Variants in VTI1A observed in about 807,000 individuals in gnomAD.
VTI1A encodes vesicle transport through interaction with t-SNAREs 1A.
In VTI1A, 22 loss-of-function variants were observed where a neutral mutation model predicts 34.9. The observed-to-expected ratio is 0.63, with a 90% CI of 0.45 to 0.90. VTI1A has a LOEUF of 0.90. Ranked by LOEUF, VTI1A falls within the 40% of genes least tolerant of loss-of-function variation. The pLI, the probability that VTI1A is intolerant of heterozygous loss-of-function variation, is 0.00. For missense variants in VTI1A, 268 were observed against 275.6 expected, an observed-to-expected ratio of 0.97 and a Z score of 0.20; for synonymous variants, 87 against 97.3, an observed-to-expected ratio of 0.89 and a Z score of 0.62.
intron 7 of VTI1A, chr10:112,737,971 C>A (rs1850557388): frequency 2.3e-6 from 2 of 852,832 alleles, no homozygotes; most frequent in Admixed American, 1.2e-4. Flanking sequence ...GGGCCTCCTG[C>A]AAGTCCTCCG....
intron 4 of VTI1A, among the ~76,000 whole-genome samples, chr10:112,537,311 G>GTATATTATATATATATATATA (rs1850673012): frequency 1.5e-4 from 10 of 65,276 alleles, no homozygotes; most frequent in Non-Finnish European, 2.9e-4. Context: ...AAGTATCTAG[G>GTATATTATATATATATATATA]TATATATATA....
chr10:112,495,547 G>A (rs1848988607), intron 3 of VTI1A, among the ~76,000 whole-genome samples: 1 of 152,138 alleles, frequency 6.6e-6, no homozygotes, highest in South Asian at 2.1e-4. Flanking sequence ...TGTAGAATCA[G>A]TAATTCACTT....
At chr10:112,498,453 T>C (rs995737319) in intron 3 of VTI1A, among the ~76,000 whole-genome samples, 1 of 152,138 alleles carries the variant, frequency 6.6e-6, no homozygotes, top group African/African-American at 2.4e-5. Context: ...AATCTCCTCA[T>C]CGCCGCCACC....
At chr10:112,694,820 T>C (rs1848725692) in intron 7 of VTI1A, among the ~76,000 whole-genome samples, 1 of 151,868 alleles carries the variant, frequency 6.6e-6, no homozygotes, top group Admixed American at 6.6e-5. Context: ...AATACAAAAA[T>C]TAGCCAGGCA....
chr10:112,661,751 T>C (rs1456860064), intron 5 of VTI1A, among the ~76,000 whole-genome samples: 2 of 150,874 alleles, frequency 1.3e-5, no homozygotes, highest in East Asian at 2.0e-4. Flanking sequence ...GTATCTTTTT[T>C]TTCTGCTGTT....
At chr10:112,556,559 T>C (rs2134316010) in intron 5 of VTI1A, among the ~76,000 whole-genome samples, 1 of 152,124 alleles carries the variant, frequency 6.6e-6, no homozygotes, top group South Asian at 2.1e-4. Flanking sequence ...TGCTCATTAA[T>C]TTTTTTATTA....
rs139193368 is a variant in VTI1A, at chr10:112,645,249, A to G, written c.428-22969A>G. Among the ~76,000 whole-genome samples, 510 of 152,370 alleles carry G rather than the reference A, an allele frequency of 3.3e-3. 2 individuals are homozygous for G. The highest frequency in any genetic ancestry group is 5.1e-3 in the Non-Finnish European group (348 of 68,032). On this transcript the variant is annotated intron_variant, in intron 5 of 7. Coordinates refer to ENST00000393077, the MANE Select transcript of VTI1A (RefSeq NM_145206.4). ...AGCTTAAATTTTCCCCCAGAATTCA[A>G]TAAGATCATAAGTGAAATGTAAGGA...
intron 5 of VTI1A, among the ~76,000 whole-genome samples, chr10:112,541,187 T>A (rs549732821): frequency 8.3e-4 from 127 of 152,176 alleles, no homozygotes; most frequent in Admixed American, 1.3e-3. Context: ...GCCCTTCAAA[T>A]TTTTTTTCAA....
intron 5 of VTI1A, among the ~76,000 whole-genome samples, chr10:112,641,517 G>A (rs1846573501): frequency 6.6e-6 from 1 of 152,154 alleles, no homozygotes; most frequent in South Asian, 2.1e-4. Flanking sequence ...GGTGACCTTA[G>A]CAAGGAATAG....
intron 4 of VTI1A, among the ~76,000 whole-genome samples, chr10:112,528,613 A>G (rs1383740214): frequency 2.6e-5 from 4 of 152,166 alleles, no homozygotes; most frequent in African/African-American, 9.7e-5. Flanking sequence ...TTCTGTTTTT[A>G]AAGTGAGATT....
At chr10:112,687,576 AT>A (rs11357706) in intron 7 of VTI1A, among the ~76,000 whole-genome samples, 15,436 of 151,232 alleles carry the variant, frequency 0.1, 823 homozygotes, top group Middle Eastern at 0.15. Flanking sequence ...GGACTTGAAA[AT>A]TTTCACCCAG....
At chr10:112,574,637 G>T (rs1852263638) in intron 5 of VTI1A, among the ~76,000 whole-genome samples, 1 of 152,146 alleles carries the variant, frequency 6.6e-6, no homozygotes, top group Admixed American at 6.5e-5. Context: ...TTGCTAAAGT[G>T]CTTATTGTTT....
chr10:112,684,898 A>G (rs991348728), intron 7 of VTI1A, among the ~76,000 whole-genome samples: 10 of 152,162 alleles, frequency 6.6e-5, no homozygotes, highest in African/African-American at 2.2e-4. Context: ...TGTGACATAC[A>G]CATGTGTATG....
intron 1 of VTI1A, 144 bp downstream of exon 1, chr10:112,447,611 C>T: frequency 2.1e-6 from 2 of 961,886 alleles, no homozygotes; most frequent in Non-Finnish European, 3.1e-6. Flanking sequence ...TACGGCTTGG[C>T]TTGGTTGAGG....
chr10:112,519,357 C>A (rs1472073564), intron 3 of VTI1A, among the ~76,000 whole-genome samples: 6 of 152,242 alleles, frequency 3.9e-5, no homozygotes, highest in African/African-American at 1.2e-4. Flanking sequence ...CTAAATAACA[C>A]CCATAGGTGT....
intron 7 of VTI1A, among the ~76,000 whole-genome samples, chr10:112,742,204 G>T (rs774060760): frequency 6.6e-6 from 1 of 152,230 alleles, no homozygotes. Context: ...TAACTGGCAC[G>T]TTAAGTTGAT....
At position 112,817,917 on chromosome 10, in the gene VTI1A, A is replaced by C. The variant is rs1853571181; in HGVS notation, c.*2534A>C. On this transcript the variant is annotated 3_prime_UTR_variant, in exon 8 of 8. Coordinates refer to ENST00000393077, the MANE Select transcript of VTI1A (RefSeq NM_145206.4). ...AGGAAGCCCTTGCCATATAAAATTCATGCAGACTAAACAGTTTCCCTGACA... is the reference window on the plus strand; with the variant it reads ...AGGAAGCCCTTGCCATATAAAATTCCTGCAGACTAAACAGTTTCCCTGACA... The C allele has an allele frequency of 4.3e-6, 1 of 233,062 alleles. No individual in the cohort carries two copies. Among genetic ancestry groups the C allele is most frequent in the Non-Finnish European group, 8.5e-6 (1 of 117,686 alleles). 14.4% of individuals were successfully genotyped at this position (233,062 alleles called of 1,614,324 possible). A position where few individuals can be genotyped will look rare whatever the true frequency, so the allele number is the denominator to read the frequency against.
At chr10:112,575,253 A>ATG (rs558592768) in intron 5 of VTI1A, among the ~76,000 whole-genome samples, 85 of 152,332 alleles carry the variant, frequency 5.6e-4, no homozygotes, top group African/African-American at 2.0e-3. Context: ...TCATCTAATG[A>ATG]TGTCTCTTCC....
chr10:112,820,796 G>A (rs747939004), downstream of VTI1A, among the ~76,000 whole-genome samples: 26 of 152,162 alleles, frequency 1.7e-4, no homozygotes, highest in Non-Finnish European at 2.2e-4. Flanking sequence ...TACCAGAGGC[G>A]AGCAGGGCAA....
Sources: allele counts gnomAD v4.1 joint callset (sites outside exome capture counted in the v4.1 genomes callset), GRCh38; gene constraint gnomAD v4.1.1; transcripts MANE v1.5; gene names NCBI Gene and HGNC (gene_info 2026-07-23, HGNC 2026-07-21).